The following GALNTL6 variants were observed in gnomAD, a reference collection of about 807,000 sequenced individuals.
The protein encoded by GALNTL6 is polypeptide N-acetylgalactosaminyltransferase-like 6.
In GALNTL6, 46 loss-of-function variants were observed where a neutral mutation model predicts 73.7. That is an observed-to-expected ratio of 0.62 (90% CI 0.49 to 0.80). The LOEUF is 0.80. Ranked by LOEUF, GALNTL6 falls within the 30% of genes least tolerant of loss-of-function variation. The pLI is 0.00. For synonymous variants in GALNTL6, 259 were observed against 263.7 expected (o/e 0.98, Z 0.17); for missense variants, 604 against 755.0 (o/e 0.80, Z 2.34).
chr4:172,446,139 A>G (rs1475806217), intron 5 of GALNTL6, among the ~76,000 whole-genome samples: 1 of 152,224 alleles, frequency 6.6e-6, no homozygotes, highest in Non-Finnish European at 1.5e-5. Context: ...ACATTTAATT[A>G]TTTGATATAC....
chr4:172,341,185 A>G (rs1422300684), intron 4 of GALNTL6, among the ~76,000 whole-genome samples: 1 of 152,056 alleles, frequency 6.6e-6, no homozygotes, highest in Non-Finnish European at 1.5e-5. Context: ...TCAAAAATGT[A>G]GTTGTCCTGT....
chr4:172,064,369 G>A (rs1456552412), intron 2 of GALNTL6, among the ~76,000 whole-genome samples: 1 of 152,158 alleles, frequency 6.6e-6, no homozygotes, highest in East Asian at 1.9e-4. Flanking sequence ...GTTAATGTCT[G>A]AATAGTGTAC....
intron 4 of GALNTL6, among the ~76,000 whole-genome samples, 159 bp downstream of exon 4, chr4:172,311,911 C>T (rs1336708677): frequency 2.6e-5 from 4 of 151,880 alleles, no homozygotes; most frequent in Non-Finnish European, 4.4e-5. Flanking sequence ...TATACTTGAC[C>T]TAAATTGGAG....
intron 5 of GALNTL6, among the ~76,000 whole-genome samples, chr4:172,382,266 G>T (rs1458631183): frequency 6.6e-6 from 1 of 151,934 alleles, no homozygotes; most frequent in African/African-American, 2.4e-5. Context: ...ACCACGCCCA[G>T]CCAATATTGT....
chr4:172,905,714 G>A (rs912975552), intron 8 of GALNTL6, among the ~76,000 whole-genome samples: 1 of 141,836 alleles, frequency 7.1e-6, no homozygotes, highest in South Asian at 2.3e-4. Flanking sequence ...CACCAAAAAT[G>A]TTTAAGTCTA....
intron 2 of GALNTL6, among the ~76,000 whole-genome samples, chr4:172,122,721 G>A (rs544175277): frequency 6.6e-6 from 1 of 152,294 alleles, no homozygotes; most frequent in South Asian, 2.1e-4. Context: ...CAGCCACAAG[G>A]CCAAGTGCAG....
intron 3 of GALNTL6, among the ~76,000 whole-genome samples, chr4:172,270,737 A>AGATAGATAGATAGATAGATC (rs1423268568): frequency 1.3e-5 from 2 of 152,174 alleles, no homozygotes; most frequent in East Asian, 3.9e-4. Context: ...GATGATAGAT[A>AGATAGATAGATAGATAGATC]GATAGATAGA....
intron 2 of GALNTL6, among the ~76,000 whole-genome samples, chr4:172,081,016 A>T (rs1044018931): frequency 3.3e-5 from 5 of 152,096 alleles, no homozygotes; most frequent in African/African-American, 1.2e-4. Context: ...TTTGTAATCC[A>T]TTTCTCATAA....
chr4:173,007,505 G>T (rs926092208), intron 10 of GALNTL6, among the ~76,000 whole-genome samples: 5 of 152,142 alleles, frequency 3.3e-5, no homozygotes, highest in African/African-American at 9.7e-5. Flanking sequence ...AAACCTTCAA[G>T]CAGGAAGATA....
chr4:172,955,415 T>C (rs761798604), intron 10 of GALNTL6, among the ~76,000 whole-genome samples: 1 of 151,460 alleles, frequency 6.6e-6, no homozygotes, highest in Non-Finnish European at 1.5e-5. Flanking sequence ...GAGGTGCCAC[T>C]GCACTCCAGC....
At chr4:172,493,105 A>G (rs1012907888) in intron 5 of GALNTL6, among the ~76,000 whole-genome samples, 14 of 152,188 alleles carry the variant, frequency 9.2e-5, no homozygotes, top group Admixed American at 9.2e-4. Flanking sequence ...CAAATACACT[A>G]TTTTTTAAAT....
rs768830978 is a variant in GALNTL6, at chr4:172,952,308, TC to T, written c.1371+55del. 1.6e-5 allele frequency: 21 copies of T among 1,344,042 alleles called. No homozygotes were observed. The African/African-American group carries it at 2.5e-4, about 16-fold the overall frequency. 83.3% of individuals were successfully genotyped at this position (1,344,042 alleles called of 1,614,324 possible). On this transcript the variant is annotated intron_variant, in intron 10 of 12. Transcript: ENST00000506823. ...GCGCCTACCTATGAGACTGTGTGCC[TC>T]CCCCATAGCCTCAGGTGGTGGGAGG... is the stretch of plus-strand genomic sequence containing the variant.
intron 2 of GALNTL6, among the ~76,000 whole-genome samples, chr4:172,223,439 A>G (rs779244248): frequency 3.3e-5 from 5 of 152,070 alleles, no homozygotes; most frequent in Non-Finnish European, 7.4e-5. Flanking sequence ...TAACAGAAAA[A>G]CCTTAACTTC....
intron 5 of GALNTL6, among the ~76,000 whole-genome samples, chr4:172,584,858 G>T (rs1737340030): frequency 6.6e-6 from 1 of 152,148 alleles, no homozygotes; most frequent in Non-Finnish European, 1.5e-5. Flanking sequence ...GAACAACATT[G>T]TCCAGGTAGA....
intron 2 of GALNTL6, among the ~76,000 whole-genome samples, chr4:172,170,346 G>A (rs904199389): frequency 5.3e-5 from 8 of 151,924 alleles, no homozygotes; most frequent in African/African-American, 7.3e-5. Flanking sequence ...TGCCTCCTTC[G>A]GTCATTCTCT....
Position 172,375,868 on chromosome 4 carries a change from T to C in GALNTL6, c.553+27179T>C, listed in dbSNP as rs116250676. Among the ~76,000 whole-genome samples, 928 of 152,274 alleles carry C rather than the reference T, an allele frequency of 6.1e-3. 6 individuals carry two copies. Among genetic ancestry groups the C allele is most frequent in the Admixed American group, 8.3e-3 (127 of 15,300 alleles). ...GCATTCACCTGTTAGTATTGGGACT[T>C]TACCCGTGTCCTATAAAGATGTTAT... On this transcript the variant is annotated intron_variant, in intron 5 of 12. Transcript: ENST00000506823.
At chr4:172,767,851 G>A (rs534986177) in intron 5 of GALNTL6, among the ~76,000 whole-genome samples, 23 of 151,720 alleles carry the variant, frequency 1.5e-4, no homozygotes, top group Non-Finnish European at 2.4e-4. Context: ...TGTATTTTTA[G>A]TATAGACGGG....
At chr4:172,226,102 G>A (rs1310426281) in intron 2 of GALNTL6, among the ~76,000 whole-genome samples, 1 of 152,124 alleles carries the variant, frequency 6.6e-6, no homozygotes, top group Non-Finnish European at 1.5e-5. Flanking sequence ...TGAAGACTAT[G>A]GTGGTAACCA....
chr4:172,230,006 A>G (rs562234640), intron 3 of GALNTL6, among the ~76,000 whole-genome samples: 1 of 152,252 alleles, frequency 6.6e-6, no homozygotes, highest in South Asian at 2.1e-4. Context: ...ATATAGTACT[A>G]TATATTCCCA....
Sources: gnomAD v4.1 joint callset for allele counts (sites outside exome capture counted in the v4.1 genomes callset) on GRCh38, gnomAD v4.1.1 for gene constraint, MANE v1.5 for transcripts, NCBI Gene and HGNC (gene_info 2026-07-23, HGNC 2026-07-21) for gene names.